Variants in ANGPTL3 observed in about 807,000 individuals in gnomAD.
ANGPTL3 encodes angiopoietin like 3.
A neutral mutation model predicts 52.7 loss-of-function variants in ANGPTL3; 51 were observed. The ratio of observed to expected loss-of-function variants is 0.97; its 90% confidence interval spans 0.77 to 1.22. The LOEUF (loss-of-function observed/expected upper bound fraction) is 1.22. Ranked by LOEUF, ANGPTL3 falls within the 50% of genes most tolerant of loss-of-function variation. ANGPTL3 has a pLI of 0.00. For synonymous variants in ANGPTL3, 185 were observed against 179.8 expected, an observed-to-expected ratio of 1.03 and a Z score of -0.23; for missense variants, 506 against 520.7, an observed-to-expected ratio of 0.97 and a Z score of 0.27.
At chr1:62,604,606 A>G in intron 6 of ANGPTL3, 27 bp from the exon 7 acceptor site, 1 of 1,607,852 alleles carries the variant, frequency 6.2e-7, no homozygotes, top group Non-Finnish European at 8.5e-7. Flanking sequence ...GTCTGTACCC[A>G]TTAAATTGCA....
chr1:62,598,058 T>A lies in ANGPTL3; in HGVS notation c.492T>A (p.Leu164=). 1 of 1,580,526 alleles carries A rather than the reference T, an allele frequency of 6.3e-7. No individual in the cohort carries two copies. The highest frequency in any genetic ancestry group is 8.6e-7 in the Non-Finnish European group (1 of 1,169,464). ...ETPEHPEVTS[L]KTFVEKQDNS... is the part of the protein sequence containing the mutation. ...CAGAACACCCAGAAGTAACTTCACT[T>A]AAAGTAAGTAGAAAATAAAGAGGGT... The change falls in exon 1 of 7, where the codon CTT becomes CTA. Residue 164 remains leucine (L), a synonymous_variant. Coordinates refer to ENST00000371129, the MANE Select transcript of ANGPTL3 (RefSeq NM_014495.4).
At position 62,604,931 on chromosome 1, in the gene ANGPTL3, T is replaced by TA. The variant is rs1425010682; in HGVS notation, c.*115dup. On this transcript the variant is annotated 3_prime_UTR_variant, in exon 7 of 7. Coordinates refer to ENST00000371129, the MANE Select transcript of ANGPTL3 (RefSeq NM_014495.4). ...GAAAGCTTGAGAAATAGATTTTTTT[T>TA]ATCTTAAAGTCACTGTCTATTTAAG... The TA allele has an allele frequency of 1.6e-5, 17 of 1,095,152 alleles. No homozygotes were observed. The highest frequency in any genetic ancestry group is 6.0e-4 in the Middle Eastern group (2 of 3,346). The allele number at this position is 1,095,152 out of a possible 1,614,324, so 67.8% of individuals were successfully genotyped here.
Position 62,604,806 on chromosome 1 carries a change from AG to A in ANGPTL3, c.1373del (p.Ser458ThrfsTer9). 1 of 1,612,948 alleles carries A rather than the reference AG, an allele frequency of 6.2e-7. No homozygotes were observed. Among genetic ancestry groups the A allele is most frequent in the Non-Finnish European group, 8.5e-7 (1 of 1,179,198 alleles). ...KMLIHPTDSE[S>X]FE ...GTTGATCCATCCAACAGATTCAGAA[AG>A]CTTTGAATGAACTGAGGCAAATTTA... On this transcript the variant is annotated frameshift_variant, in exon 7 of 7. Coordinates refer to ENST00000371129, the MANE Select transcript of ANGPTL3 (RefSeq NM_014495.4). LOFTEE classifies it high-confidence loss of function.
intron 2 of ANGPTL3, 56 bp downstream of exon 2, chr1:62,598,862 T>C (rs1230010301): frequency 2.9e-6 from 3 of 1,037,632 alleles, no homozygotes; most frequent in African/African-American, 3.2e-5. Context: ...GTAAAAACAC[T>C]GAATCCTAAA....
rs1447221577 is a variant in ANGPTL3, at chr1:62,598,634, C to T, written c.496-62C>T. On this transcript the variant is annotated intron_variant, in intron 1 of 6. Coordinates refer to ENST00000371129, the MANE Select transcript of ANGPTL3 (RefSeq NM_014495.4). The stretch of plus-strand genomic sequence containing the variant: ...AAAAATTTAGATTATGATAGTGTTA[C>T]AGGAAATTAATAGAAAAGAAAGAGG... The T allele has an allele frequency of 5.6e-6, 5 of 886,878 alleles. No homozygotes were observed. In the African/African-American group the frequency reaches 6.6e-5, roughly 12 times the overall value. 54.9% of individuals were successfully genotyped at this position (886,878 alleles called of 1,614,324 possible). A position where few individuals can be genotyped will look rare whatever the true frequency, so the allele number is the denominator to read the frequency against.
chr1:62,603,971 G>A lies in ANGPTL3; in HGVS notation c.934G>A (p.Glu312Lys). The A allele has an allele frequency of 6.2e-7, 1 of 1,612,638 alleles. No homozygotes were observed. Among genetic ancestry groups the A allele is most frequent in the Non-Finnish European group, 8.5e-7 (1 of 1,179,026 alleles). The change falls in exon 6 of 7, where the codon GAA becomes AAA. Residue 312 changes from glutamate to lysine, a missense_variant and splice_region_variant. Coordinates refer to ENST00000371129, the MANE Select transcript of ANGPTL3 (RefSeq NM_014495.4). The part of the protein sequence containing the change: ...YKYGFGRLDG[E>K]FWLGLEKIYS... The stretch of plus-strand genomic sequence containing the variant: ...ATTTTTAAAACTTTTCTTTTCAGGA[G>A]AATTTTGGTTGGGCCTAGAGAAGAT...
Position 62,604,646 on chromosome 1 carries a change from G to C in ANGPTL3, c.1212G>C (p.Trp404Cys). ...CPEGYSGGWWWHDECGENNLN... is the reference protein window; with the variant it reads ...CPEGYSGGWWCHDECGENNLN... ...TATCTCCTTTAGGAGGCTGGTGGTG[G>C]CATGATGAGTGTGGAGAAAACAACC... is the stretch of plus-strand genomic sequence containing the variant. The change falls in exon 7 of 7, where the codon TGG becomes TGC. Residue 404 changes from tryptophan to cysteine, a missense_variant. Coordinates refer to ENST00000371129, the MANE Select transcript of ANGPTL3 (RefSeq NM_014495.4). 1.2e-6 allele frequency: 2 copies of C among 1,613,122 alleles called. No individual in the cohort carries two copies. The highest frequency in any genetic ancestry group is 1.7e-6 in the Non-Finnish European group (2 of 1,179,298).
At chr1:62,601,740 C>A in intron 3 of ANGPTL3, 29 bp from the exon 4 acceptor site, 1 of 1,405,364 alleles carries the variant, frequency 7.1e-7, no homozygotes, top group Non-Finnish European at 1.0e-6. Flanking sequence ...ATTACTAAAT[C>A]TGATGTAATA....
rs1650742768 is a variant in ANGPTL3 at position 62,604,886 on chromosome 1, C to T, written c.*69C>T. 2 of 1,489,986 alleles carry T rather than the reference C, an allele frequency of 1.3e-6. No homozygotes were observed. Among genetic ancestry groups the T allele is most frequent in the Admixed American group, 3.4e-5 (2 of 58,898 alleles). 92.3% of individuals were successfully genotyped at this position (1,489,986 alleles called of 1,614,324 possible). ...TTCCAAGTTAATGTGGTCTAATAATCTGGTATTAAATCCTTAAGAGAAAGC... is the reference window on the plus strand; with the variant it reads ...TTCCAAGTTAATGTGGTCTAATAATTTGGTATTAAATCCTTAAGAGAAAGC... On this transcript the variant is annotated 3_prime_UTR_variant, in exon 7 of 7. Transcript: ENST00000371129.
At chr1:62,600,977 A>AT in intron 2 of ANGPTL3, 105 bp from the exon 3 acceptor site, 1 of 732,904 alleles carries the variant, frequency 1.4e-6, no homozygotes, top group East Asian at 2.7e-5. Flanking sequence ...CCGTTATAAC[A>AT]TTATGAACTG....
intron 1 of ANGPTL3, among the ~76,000 whole-genome samples, chr1:62,598,443 T>C (rs961620199): frequency 1.3e-5 from 2 of 152,064 alleles, no homozygotes; most frequent in Non-Finnish European, 2.9e-5. Flanking sequence ...GATTTATTCA[T>C]ATGAAAATAT....
rs996581503 is a variant in ANGPTL3, at chr1:62,605,702, C to T, written c.*885C>T. 18 of 152,202 alleles carry T rather than the reference C, an allele frequency of 1.2e-4. No homozygotes were observed. The highest frequency in any genetic ancestry group is 3.4e-4 in the African/African-American group (14 of 41,344). The allele number at this position is 152,202 out of a possible 1,614,324, so 9.4% of individuals were successfully genotyped here. A position where few individuals can be genotyped will look rare whatever the true frequency, so the allele number is the denominator to read the frequency against. On this transcript the variant is annotated 3_prime_UTR_variant, in exon 7 of 7. Transcript: ENST00000371129. ...TAGGTTTTCAAGTAGAAATAAACCT[C>T]GTAACAAGTTACTGAACGTTTAAAC...
chr1:62,597,742 AC>A lies in ANGPTL3; in HGVS notation c.177del (p.Phe60LeufsTer40), dbSNP rs1385349486. On this transcript the variant is annotated frameshift_variant, in exon 1 of 7. Transcript: ENST00000371129. LOFTEE classifies it high-confidence loss of function. ...GLLQLGHGLK[D>X]FVHKTKGQIN... is the part of the protein sequence containing the mutation. ...CTTCAGTTGGGACATGGTCTTAAAG[AC>A]TTTGTCCATAAGACGAAGGGCCAAA... 12 of 1,613,520 alleles carry A rather than the reference AC, an allele frequency of 7.4e-6. No homozygotes were observed. The highest frequency in any genetic ancestry group is 1.0e-5 in the Non-Finnish European group (12 of 1,179,728).
intron 4 of ANGPTL3, 150 bp downstream of exon 4, chr1:62,602,032 G>T: frequency 1.6e-6 from 1 of 614,166 alleles, no homozygotes; most frequent in Admixed American, 3.0e-5. Flanking sequence ...CCTTGTTTAT[G>T]TATTTACTCA....
chr1:62,603,223 C>A (rs1470744808), intron 5 of ANGPTL3, among the ~76,000 whole-genome samples: 2 of 151,590 alleles, frequency 1.3e-5, no homozygotes, highest in African/African-American at 4.8e-5. Context: ...AAGAAAGCAA[C>A]CCATTTGTAC....
chr1:62,602,034 A>G (rs1410312591), intron 4 of ANGPTL3, 152 bp downstream of exon 4: 5 of 614,610 alleles, frequency 8.1e-6, no homozygotes, highest in African/African-American at 1.9e-5. Context: ...TTGTTTATGT[A>G]TTTACTCAAT....
Position 62,602,360 on chromosome 1 carries a change from A to G in ANGPTL3, c.911A>G (p.Tyr304Cys), listed in dbSNP as rs1164394759. 1.9e-6 allele frequency: 3 copies of G among 1,610,842 alleles called. No homozygotes were observed. Among genetic ancestry groups the G allele is most frequent in the East Asian group, 4.5e-5 (2 of 44,688 alleles). The change falls in exon 5 of 7, where the codon TAT (tyrosine) becomes TGT (cysteine). Residue 304 changes from tyrosine to cysteine, a missense_variant. Transcript: ENST00000371129. ...NFNETWENYKYGFGRLDGEFW... is the reference protein window; with the variant it reads ...NFNETWENYKCGFGRLDGEFW... ...AATGAAACGTGGGAGAACTACAAAT[A>G]TGGTTTTGGGAGGCTTGATGGTAAG...
rs1252230724 is a variant in ANGPTL3 at position 62,605,250 on chromosome 1, G to A, written c.*433G>A. The stretch of plus-strand genomic sequence containing the variant: ...AATACAGAGGACTGGTAATTGTACA[G>A]TTCTTAAATGTTGTAGTATTAATTT... On this transcript the variant is annotated 3_prime_UTR_variant, in exon 7 of 7. Transcript: ENST00000371129. 1 of 159,546 alleles carries A rather than the reference G, an allele frequency of 6.3e-6. No individual in the cohort carries two copies. The highest frequency in any genetic ancestry group is 1.4e-5 in the Non-Finnish European group (1 of 72,566). 9.9% of individuals were successfully genotyped at this position (159,546 alleles called of 1,614,324 possible).
At chr1:62,604,482 T>C (rs1650651317) in intron 6 of ANGPTL3, 151 bp from the exon 7 acceptor site, 1 of 931,732 alleles carries the variant, frequency 1.1e-6, no homozygotes, top group Non-Finnish European at 1.6e-6. Flanking sequence ...TTATTTAAAA[T>C]TGGGACTTAT....
Sources: gnomAD v4.1 joint callset for allele counts (sites outside exome capture counted in the v4.1 genomes callset) on GRCh38, gnomAD v4.1.1 for gene constraint, MANE v1.5 for transcripts, NCBI Gene and HGNC (gene_info 2026-07-23, HGNC 2026-07-21) for gene names.